The following RTN4 variants were observed in gnomAD, a reference collection of about 807,000 sequenced individuals.
RTN4 encodes the protein reticulon 4.
A neutral mutation model predicts 90.4 loss-of-function variants in RTN4; 32 were observed. That is an observed-to-expected ratio of 0.35 (90% CI 0.27 to 0.48). The LOEUF is 0.48. Among genes scored for constraint, RTN4 ranks in the 20% least tolerant of loss-of-function variants. The pLI is 0.99. For missense variants in RTN4, 1,706 were observed against 1,430.2 expected, an observed-to-expected ratio of 1.19 and a Z score of -3.11; for synonymous variants, 629 against 552.5, an observed-to-expected ratio of 1.14 and a Z score of -1.94.
At chr2:55,044,132 C>A (rs1683256682) in intron 1 of RTN4, among the ~76,000 whole-genome samples, 1 of 151,080 alleles carries the variant, frequency 6.6e-6, no homozygotes, top group Admixed American at 6.6e-5. Context: ...GAAGATGAGG[C>A]TGCAGTGAGC....
intron 1 of RTN4, among the ~76,000 whole-genome samples, chr2:55,042,380 T>A (rs1165277521): frequency 6.6e-6 from 1 of 152,040 alleles, no homozygotes; most frequent in Non-Finnish European, 1.5e-5. Context: ...AAACTAAGTA[T>A]CAACCTAAAT....
At chr2:55,083,334 A>G (rs1668757753) in intron 1 of RTN4, among the ~76,000 whole-genome samples, 1 of 152,174 alleles carries the variant, frequency 6.6e-6, no homozygotes, top group Admixed American at 6.5e-5. Flanking sequence ...CGTCTCTACT[A>G]AAAATACAAA....
chr2:55,000,579 T>C (rs768691914), intron 3 of RTN4, among the ~76,000 whole-genome samples: 1 of 152,178 alleles, frequency 6.6e-6, no homozygotes, highest in Non-Finnish European at 1.5e-5. Flanking sequence ...TTGTATACAT[T>C]ACCTCGAATC....
At chr2:55,123,219 A>T in the RTN4 span, among the ~76,000 whole-genome samples, 15 of 152,220 alleles carry the variant, frequency 9.9e-5, no homozygotes, top group African/African-American at 3.6e-4. Context: ...AAATCATGAA[A>T]CCACTTTTGA....
At position 55,033,000 on chromosome 2, in the gene RTN4, C is replaced by T. The variant is rs532506051; in HGVS notation, c.557-4780G>A. ...CCATGATCACGCCACTGCACTCCAC[C>T]CTGGACAACACAGTTAAGACCCTGT... On this transcript the variant is annotated intron_variant, in intron 1 of 8. Transcript: ENST00000337526. Among the ~76,000 whole-genome samples the T allele has an allele frequency of 3.3e-5, 5 of 151,484 alleles. No homozygotes were observed. The South Asian group carries it at 6.3e-4, about 19-fold the overall frequency.
intron 3 of RTN4, among the ~76,000 whole-genome samples, chr2:54,994,905 G>T (rs1679295706): frequency 6.6e-6 from 1 of 152,166 alleles, no homozygotes; most frequent in South Asian, 2.1e-4. Context: ...ATATAAACAA[G>T]ACTTCATTTT....
intron 2 of RTN4, among the ~76,000 whole-genome samples, chr2:55,070,563 A>AAAAAG (rs1668490514): frequency 1.3e-5 from 2 of 148,514 alleles, no homozygotes; most frequent in South Asian, 2.1e-4. Context: ...AAAAAAAAAA[A>AAAAAG]AAAGAAAGAA....
intron 1 of RTN4, among the ~76,000 whole-genome samples, chr2:55,093,439 C>T (rs1668976543): frequency 6.7e-6 from 1 of 148,358 alleles, no homozygotes; most frequent in Non-Finnish European, 1.5e-5. Context: ...CAATAATGTC[C>T]CTGGGCCCAA....
chr2:54,975,585 A>G (rs867945607), intron 5 of RTN4, among the ~76,000 whole-genome samples: 1 of 152,172 alleles, frequency 6.6e-6, no homozygotes, highest in Non-Finnish European at 1.5e-5. Context: ...CGTTGTCATA[A>G]CCCTTTAAAA....
rs748793066 is a variant in RTN4 at position 54,973,161 on chromosome 2, C to G, written c.3574G>C (p.Glu1192Gln). Residue 1192 changes from glutamate to glutamine, a missense_variant, in exon 9 of 9, where the codon GAA becomes CAA. Physicochemically the swap from Glu to Gln is conservative, Grantham distance 29. Coordinates refer to ENST00000337526, the MANE Select transcript of RTN4 (RefSeq NM_020532.5). Reference sequence around the variant, plus strand: ...ACTAATTATTTTGGGCGTTTTCATTCAGCTTTGCGCTTCAATCCAGGGATT... The same window carrying G: ...ACTAATTATTTTGGGCGTTTTCATTGAGCTTTGCGCTTCAATCCAGGGATT... ...AKIPGLKRKA[E>Q] 3 of 1,602,724 alleles carry G rather than the reference C, an allele frequency of 1.9e-6. No individual in the cohort carries two copies. Among genetic ancestry groups the G allele is most frequent in the Non-Finnish European group, 1.7e-6 (2 of 1,170,826 alleles).
intron 2 of RTN4, among the ~76,000 whole-genome samples, chr2:55,078,743 G>A (rs1466736758): frequency 6.6e-6 from 1 of 152,204 alleles, no homozygotes; most frequent in Non-Finnish European, 1.5e-5. Flanking sequence ...TAAAAGCGGG[G>A]AGAAATTGCT....
chr2:55,116,310 G>C (rs1668124627), upstream of RTN4, among the ~76,000 whole-genome samples: 2 of 152,046 alleles, frequency 1.3e-5, no homozygotes, highest in Non-Finnish European at 2.9e-5. Flanking sequence ...TAAGAGGTTT[G>C]AAACAGATAA....
chr2:55,001,845 A>G (rs1679871165), intron 3 of RTN4, among the ~76,000 whole-genome samples: 1 of 152,164 alleles, frequency 6.6e-6, no homozygotes, highest in East Asian at 1.9e-4. Flanking sequence ...CATAAAGCAA[A>G]AGAAGCCATT....
chr2:55,098,671 T>C (rs1452449078), intron 1 of RTN4, among the ~76,000 whole-genome samples: 1 of 152,152 alleles, frequency 6.6e-6, no homozygotes, highest in Non-Finnish European at 1.5e-5. Flanking sequence ...TTTCTTTTAA[T>C]TTTAAAAAAT....
At chr2:55,137,391 A>C in the RTN4 span, among the ~76,000 whole-genome samples, 4 of 152,204 alleles carry the variant, frequency 2.6e-5, no homozygotes, top group Non-Finnish European at 5.9e-5. Context: ...GGAAAGAGCC[A>C]GACCAGAACC....
At chr2:55,062,173 C>G (rs1251247369) in intron 2 of RTN4, among the ~76,000 whole-genome samples, 3 of 152,078 alleles carry the variant, frequency 2.0e-5, no homozygotes, top group Non-Finnish European at 4.4e-5. Context: ...TCTGGCTCCT[C>G]CATCTGCTGA....
chr2:55,134,792 G>A, the RTN4 span, among the ~76,000 whole-genome samples: 2 of 152,030 alleles, frequency 1.3e-5, no homozygotes, highest in African/African-American at 2.4e-5. Context: ...ACTCAAAACC[G>A]CTTCAGAAGT....
At chr2:55,055,790 C>T (rs6757907), upstream of RTN4, among the ~76,000 whole-genome samples, 1 of 149,180 alleles carries the variant, frequency 6.7e-6, no homozygotes, top group African/African-American at 2.5e-5. Context: ...ACAAAAAAAA[C>T]AAAAACAAAA....
At position 55,025,190 on chromosome 2, in the gene RTN4, G is replaced by A. The variant is rs774585686; in HGVS notation, c.2909C>T (p.Pro970Leu). The A allele has an allele frequency of 1.7e-5, 27 of 1,613,642 alleles. No homozygotes were observed. The East Asian group carries it at 5.8e-4, about 35-fold the overall frequency. Residue 970 changes from proline (P) to leucine (L), a missense_variant, in exon 3 of 9, where the codon CCC (proline) becomes CTC (leucine). By Grantham distance (98) the Pro-to-Leu change is moderately conservative (BLOSUM62 -3). Coordinates refer to ENST00000337526, the MANE Select transcript of RTN4 (RefSeq NM_020532.5). The stretch of plus-strand genomic sequence containing the variant: ...CTCAGCTTCTTTCACAAGAACTTTG[G>A]GTTTAACTATGCTCTCTATCTCTGC... ...TQAEIESIVK[P>L]KVLVKEAEKK...
Sources: allele counts gnomAD v4.1 joint callset (sites outside exome capture counted in the v4.1 genomes callset), GRCh38; gene constraint gnomAD v4.1.1; transcripts MANE v1.5; gene names NCBI Gene and HGNC (gene_info 2026-07-23, HGNC 2026-07-21).